The following TUBB variants were observed in gnomAD, a reference collection of about 807,000 sequenced individuals.
The protein encoded by TUBB is tubulin beta chain.
In TUBB, 2 loss-of-function variants were observed where a neutral mutation model predicts 35.1. That is an observed-to-expected ratio of 0.06 (90% CI 0.02 to 0.18). The LOEUF is 0.18. Among genes scored for constraint, TUBB ranks in the 10% least tolerant of loss-of-function variants. The pLI, the probability that TUBB is intolerant of heterozygous loss-of-function variation, is 1.00. For synonymous variants in TUBB, 205 were observed against 223.8 expected (o/e 0.92, Z 0.75); for missense variants, 50 against 599.4 (o/e 0.08, Z 9.57).
At position 30,721,371 on chromosome 6, in the gene TUBB, A is replaced by T. The variant is rs1354772845; in HGVS notation, c.57+808A>T. ...GCGCGCGGTTACAGTGTAGCGGGGG[A>T]GGGGCGGGAGGAAGTGCGGCTGCTA... is the stretch of plus-strand genomic sequence containing the variant. On this transcript the variant is annotated intron_variant, in intron 1 of 3. Transcript: ENST00000327892. 6.6e-4 allele frequency among the ~76,000 whole-genome samples: 32 copies of T among 48,206 alleles called. No homozygotes were observed. In the East Asian group the frequency reaches 8.9e-3, roughly 13 times the overall value. The allele number at this position is 48,206 out of a possible 152,430, so 31.6% of individuals were successfully genotyped here.
rs1776129802 is a variant in TUBB at position 30,720,374 on chromosome 6, G to A, written c.-133G>A. On this transcript the variant is annotated 5_prime_UTR_variant, in exon 1 of 4. Transcript: ENST00000327892. The stretch of plus-strand genomic sequence containing the variant: ...TCCCTCTCAGAACCTTCCTGCCGTC[G>A]CGTTTGCACCTCGCTGCTCCAGCCT... The A allele has an allele frequency of 2.4e-6, 2 of 828,760 alleles. No homozygotes were observed. Among genetic ancestry groups the A allele is most frequent in the Non-Finnish European group, 4.1e-6 (2 of 486,104 alleles). The allele number at this position is 828,760 out of a possible 1,614,324, so 51.3% of individuals were successfully genotyped here. A position where few individuals can be genotyped will look rare whatever the true frequency, so the allele number is the denominator to read the frequency against.
chr6:30,721,315 A>G (rs1483947403), intron 1 of TUBB, among the ~76,000 whole-genome samples: 1 of 150,262 alleles, frequency 6.7e-6, no homozygotes, highest in Admixed American at 6.6e-5. Flanking sequence ...AGGAATAAAA[A>G]TTCCGAGGCC....
At position 30,724,601 on chromosome 6, in the gene TUBB, T is replaced by C; in HGVS notation, c.*204T>C. 1.8e-6 allele frequency: 1 copy of C among 550,044 alleles called. No homozygotes were observed. The highest frequency in any genetic ancestry group is 3.2e-6 in the Non-Finnish European group (1 of 316,464). 34.1% of individuals were successfully genotyped at this position (550,044 alleles called of 1,614,324 possible). On this transcript the variant is annotated 3_prime_UTR_variant, in exon 4 of 4. Transcript: ENST00000327892. The surrounding 1 kb of genome is among the most constrained non-coding windows in gnomAD (Gnocchi z 4.4). ...GAATGTCTCCTCTCTCTTTCCACTC[T>C]GGGAAACCTAGGTTTCTGCCATTCT...
rs557225575 is a variant in TUBB at position 30,724,769 on chromosome 6, C to T, written c.*372C>T. ...ACACATGTAGATAATGGCCATCATC[C>T]TAAGCCCAAAGTAGAAAATGGTAGA... On this transcript the variant is annotated 3_prime_UTR_variant, in exon 4 of 4. Coordinates refer to ENST00000327892, the MANE Select transcript of TUBB (RefSeq NM_178014.4). This position sits in a 1 kb window ranked among gnomAD's most constrained non-coding sequence, Gnocchi z 4.4. The T allele has an allele frequency of 6.6e-5, 16 of 244,064 alleles. No homozygotes were observed. Among genetic ancestry groups the T allele is most frequent in the Admixed American group, 2.9e-4 (6 of 20,366 alleles). The allele number at this position is 244,064 out of a possible 1,614,324, so 15.1% of individuals were successfully genotyped here. A position where few individuals can be genotyped will look rare whatever the true frequency, so the allele number is the denominator to read the frequency against.
In TUBB at chr6:30,722,449, A is replaced by C. The variant is rs890051155; in HGVS notation, c.58-88A>C. 4.1e-6 allele frequency: 4 copies of C among 979,550 alleles called. No homozygotes were observed. In the African/African-American group the frequency reaches 6.5e-5, roughly 16 times the overall value. 60.7% of individuals were successfully genotyped at this position (979,550 alleles called of 1,614,324 possible). On this transcript the variant is annotated intron_variant, in intron 1 of 3. Coordinates refer to ENST00000327892, the MANE Select transcript of TUBB (RefSeq NM_178014.4). The stretch of plus-strand genomic sequence containing the variant: ...AGAGCGAGACTCCGTCTCAAAAAAA[A>C]TTAAGAAAAAGATGAAATAAAATGG...
chr6:30,722,912 C>G lies in TUBB; in HGVS notation c.167-6C>G, dbSNP rs780301475. On this transcript the variant is annotated splice_region_variant and splice_polypyrimidine_tract_variant and intron_variant, in intron 2 of 3. Transcript: ENST00000327892. ...ATTTCACAGCTCTTAACTTTATTCT[C>G]TGTAGGTGGCAAATATGTTCCTCGT... 6.2e-7 allele frequency: 1 copy of G among 1,609,642 alleles called. No homozygotes were observed. Among genetic ancestry groups the G allele is most frequent in the Admixed American group, 1.7e-5 (1 of 59,670 alleles).
At chr6:30,721,546 C>G (rs1361409071) in intron 1 of TUBB, 1 of 984,956 alleles carries the variant, frequency 1.0e-6, no homozygotes, top group African/African-American at 1.8e-5. Context: ...CGCCCACGCG[C>G]GAAGTCTTTT....
intron 3 of TUBB, 133 bp from the exon 4 acceptor site, chr6:30,723,207 G>A (rs1245985959): frequency 2.1e-6 from 2 of 941,888 alleles, no homozygotes; most frequent in Non-Finnish European, 3.2e-6. Flanking sequence ...TTATGGGGCA[G>A]TAGGGGGAGA....
chr6:30,723,094 C>A, intron 3 of TUBB, 66 bp downstream of exon 3: 1 of 1,332,076 alleles, frequency 7.5e-7, no homozygotes, highest in Non-Finnish European at 1.1e-6. Flanking sequence ...GGTGCAAGGA[C>A]ACAGCAAAAG....
At position 30,721,940 on chromosome 6, in the gene TUBB, A is replaced by G. The variant is rs560931862; in HGVS notation, c.58-597A>G. The G allele has an allele frequency of 4.1e-6, 4 of 968,840 alleles. No homozygotes were observed. The African/African-American group carries it at 7.0e-5, about 17-fold the overall frequency. The allele number at this position is 968,840 out of a possible 1,614,324, so 60.0% of individuals were successfully genotyped here. The stretch of plus-strand genomic sequence containing the variant: ...CCCTCCAGGTCAGGGGTTCGAGACC[A>G]TCCTGGGCAACAAAGCGAGACCCTC... On this transcript the variant is annotated intron_variant, in intron 1 of 3. Transcript: ENST00000327892.
rs1776500448 is a variant in TUBB at position 30,724,484 on chromosome 6, G to C, written c.*87G>C. On this transcript the variant is annotated 3_prime_UTR_variant, in exon 4 of 4. Transcript: ENST00000327892. The surrounding 1 kb of genome is among the most constrained non-coding windows in gnomAD (Gnocchi z 4.4). Reference sequence around the variant, plus strand: ...TTCCTCTCCCTCAGAATTTGTGTTTGCTGCCTCTATCTTGTTTTTTGTTTT... The same window carrying C: ...TTCCTCTCCCTCAGAATTTGTGTTTCCTGCCTCTATCTTGTTTTTTGTTTT... The C allele has an allele frequency of 4.7e-6, 6 of 1,275,562 alleles. No individual in the cohort carries two copies. Among genetic ancestry groups the C allele is most frequent in the Non-Finnish European group, 4.3e-6 (4 of 935,110 alleles). 79.0% of individuals were successfully genotyped at this position (1,275,562 alleles called of 1,614,324 possible).
Position 30,720,387 on chromosome 6 carries a change from G to A in TUBB, c.-120G>A. ...CTTCCTGCCGTCGCGTTTGCACCTC[G>A]CTGCTCCAGCCTCTGGGGCGCATTC... On this transcript the variant is annotated 5_prime_UTR_variant, in exon 1 of 4. Transcript: ENST00000327892. 3.1e-6 allele frequency: 3 copies of A among 957,950 alleles called. No individual in the cohort carries two copies. In the South Asian group the frequency reaches 4.0e-5, roughly 13 times the overall value. The allele number at this position is 957,950 out of a possible 1,614,324, so 59.3% of individuals were successfully genotyped here. A position where few individuals can be genotyped will look rare whatever the true frequency, so the allele number is the denominator to read the frequency against.
At position 30,724,959 on chromosome 6, in the gene TUBB, C is replaced by T. The variant is rs1364798815; in HGVS notation, c.*562C>T. The T allele has an allele frequency of 1.3e-5, 2 of 152,770 alleles. No homozygotes were observed. 9.5% of individuals were successfully genotyped at this position (152,770 alleles called of 1,614,324 possible). On this transcript the variant is annotated 3_prime_UTR_variant, in exon 4 of 4. Transcript: ENST00000327892. The surrounding 1 kb of genome is among the most constrained non-coding windows in gnomAD (Gnocchi z 4.4). ...CAGCAGTATTATCTCCACTTTCAAT[C>T]TCCCTCCAAGCTCTACTCTGGAGGA...
At chr6:30,723,212 G>T in intron 3 of TUBB, 128 bp from the exon 4 acceptor site, 1 of 958,608 alleles carries the variant, frequency 1.0e-6, no homozygotes. Flanking sequence ...GGGCAGTAGG[G>T]GGAGAATATA....
In TUBB at chr6:30,725,241, CCCT is replaced by C. The variant is rs1247298590; in HGVS notation, c.*850_*852del. On this transcript the variant is annotated 3_prime_UTR_variant, in exon 4 of 4. Transcript: ENST00000327892. ...AGTCAGTCCCCAGAGGAGAGGGGAA[CCCT>C]CCTCCATCTTTTTTGCAACATCTCA... The C allele has an allele frequency of 2.5e-5, 4 of 158,572 alleles. No individual in the cohort carries two copies. Among genetic ancestry groups the C allele is most frequent in the South Asian group, 4.1e-4 (2 of 4,864 alleles). The allele number at this position is 158,572 out of a possible 1,614,324, so 9.8% of individuals were successfully genotyped here.
At chr6:30,720,848 C>T (rs893317888) in intron 1 of TUBB, among the ~76,000 whole-genome samples, 1 of 152,244 alleles carries the variant, frequency 6.6e-6, no homozygotes, top group Admixed American at 6.5e-5. Context: ...GGGCTTCTAA[C>T]GGTCCGAGAA....
At position 30,724,974 on chromosome 6, in the gene TUBB, A is replaced by G. The variant is rs1776546553; in HGVS notation, c.*577A>G. Reference sequence around the variant, plus strand: ...CACTTTCAATCTCCCTCCAAGCTCTACTCTGGAGGAGTCTGTCCCACTCTG... The same window carrying G: ...CACTTTCAATCTCCCTCCAAGCTCTGCTCTGGAGGAGTCTGTCCCACTCTG... On this transcript the variant is annotated 3_prime_UTR_variant, in exon 4 of 4. Coordinates refer to ENST00000327892, the MANE Select transcript of TUBB (RefSeq NM_178014.4). The surrounding 1 kb of genome is among the most constrained non-coding windows in gnomAD (Gnocchi z 4.4). The G allele has an allele frequency of 1.3e-5, 2 of 149,850 alleles. No individual in the cohort carries two copies. The highest frequency in any genetic ancestry group is 6.5e-5 in the Admixed American group (1 of 15,288). 9.3% of individuals were successfully genotyped at this position (149,850 alleles called of 1,614,324 possible). A position where few individuals can be genotyped will look rare whatever the true frequency, so the allele number is the denominator to read the frequency against.
intron 1 of TUBB, among the ~76,000 whole-genome samples, chr6:30,721,043 G>C (rs1269069996): frequency 6.6e-6 from 1 of 152,252 alleles, no homozygotes; most frequent in Non-Finnish European, 1.5e-5. Flanking sequence ...AGGGTGGGCT[G>C]CGCTGGGCGC....
intron 1 of TUBB, among the ~76,000 whole-genome samples, 173 bp downstream of exon 1, chr6:30,720,736 G>C (rs1776163104): frequency 6.6e-6 from 1 of 152,252 alleles, no homozygotes; most frequent in Non-Finnish European, 1.5e-5. Flanking sequence ...TTGGAAAGCT[G>C]GGAATCATTT....
Sources: gnomAD v4.1 joint callset for allele counts (sites outside exome capture counted in the v4.1 genomes callset) on GRCh38, gnomAD v4.1.1 for gene constraint, Gnocchi (gnomAD v3.1) non-coding constraint, MANE v1.5 for transcripts, NCBI Gene and HGNC (gene_info 2026-07-23, HGNC 2026-07-21) for gene names.